The following BCAS3 variants were observed in gnomAD, a reference collection of about 807,000 sequenced individuals.
The protein encoded by BCAS3 is BCAS4/BCAS3 fusion.
BCAS3 carries 53 observed loss-of-function variants against 116.1 expected under a neutral mutation model. That is an observed-to-expected ratio of 0.46 (90% CI 0.37 to 0.57). BCAS3 has a LOEUF of 0.57. BCAS3 is among the 20% of genes least tolerant of loss of function. The pLI is 0.00. For synonymous variants in BCAS3, 391 were observed against 408.2 expected (o/e 0.96, Z 0.51); for missense variants, 917 against 1,165.4 (o/e 0.79, Z 3.10).
intron 22 of BCAS3, among the ~76,000 whole-genome samples, chr17:61,101,077 CTTTTTATCATATACTGTTGTA>C (rs2074298764): frequency 6.6e-6 from 1 of 151,998 alleles, no homozygotes; most frequent in Non-Finnish European, 1.5e-5. Flanking sequence ...TATATTTATT[CTTTTTATCATATACTGTTGTA>C]TCATAGAGGA....
At chr17:61,070,122 G>A in intron 19 of BCAS3, 1 of 1,572,074 alleles carries the variant, frequency 6.4e-7, no homozygotes, top group Non-Finnish European at 8.7e-7. Context: ...TGACCACTGA[G>A]TCTGCCATGA....
At position 60,967,857 on chromosome 17, in the gene BCAS3, C is replaced by T. The variant is rs911939305; in HGVS notation, c.1221+20505C>T. On this transcript the variant is annotated intron_variant, in intron 14 of 23. Transcript: ENST00000407086. The surrounding 1 kb of genome is among the most constrained non-coding windows in gnomAD (Gnocchi z 4.7). The stretch of plus-strand genomic sequence containing the variant: ...GTCTCTGATGACTTCTTCAGTTCAG[C>T]AAATATGTTTCTCAGTTCCAAGATT... 4.6e-5 allele frequency among the ~76,000 whole-genome samples: 7 copies of T among 152,100 alleles called. No individual in the cohort carries two copies. The highest frequency in any genetic ancestry group is 8.8e-5 in the Non-Finnish European group (6 of 68,024).
chr17:60,711,852 A>G (rs1163018187), intron 5 of BCAS3, among the ~76,000 whole-genome samples: 1 of 151,654 alleles, frequency 6.6e-6, no homozygotes, highest in African/African-American at 2.4e-5. Context: ...CAGCAGTTTG[A>G]GACTAACCTG....
chr17:60,773,287 CTTTTTTTT>C, intron 6 of BCAS3, among the ~76,000 whole-genome samples: 1 of 91,974 alleles, frequency 1.1e-5, no homozygotes, highest in African/African-American at 4.8e-5. Flanking sequence ...TCTTCAGGTC[CTTTTTTTT>C]TTTTTTTTTT....
At chr17:60,692,809 C>CGTTTGAACCCAGGAGGTGGAGGATT (rs1480452090) in intron 4 of BCAS3, among the ~76,000 whole-genome samples, 4 of 151,604 alleles carry the variant, frequency 2.6e-5, no homozygotes, top group South Asian at 2.1e-4. Context: ...GGAGGAGAAT[C>CGTTTGAACCCAGGAGGTGGAGGATT]GTTTGAACCC....
At position 61,388,778 on chromosome 17, in the gene BCAS3, A is replaced by T. The variant is rs183318931; in HGVS notation, c.2594-3199A>T. Reference sequence around the variant, plus strand: ...CGGCCGGGATGACTTGGAGGGGGGAATCTGAGCAGCCCTCCTCCCCTCCAC... The same window carrying T: ...CGGCCGGGATGACTTGGAGGGGGGATTCTGAGCAGCCCTCCTCCCCTCCAC... On this transcript the variant is annotated intron_variant, in intron 23 of 23. Coordinates refer to ENST00000407086, the MANE Select transcript of BCAS3 (RefSeq NM_017679.5). The surrounding 1 kb of genome is among the most constrained non-coding windows in gnomAD (Gnocchi z 6.5). The T allele has an allele frequency of 3.6e-6, 5 of 1,384,788 alleles. No homozygotes were observed. Among genetic ancestry groups the T allele is most frequent in the East Asian group, 5.0e-5 (2 of 40,042 alleles). The allele number at this position is 1,384,788 out of a possible 1,614,324, so 85.8% of individuals were successfully genotyped here. A position where few individuals can be genotyped will look rare whatever the true frequency, so the allele number is the denominator to read the frequency against.
At chr17:61,093,444 A>G (rs1002386413) in intron 22 of BCAS3, among the ~76,000 whole-genome samples, 1 of 152,128 alleles carries the variant, frequency 6.6e-6, no homozygotes, top group African/African-American at 2.4e-5. Flanking sequence ...AAAATTAGCC[A>G]GGCATGGTGG....
rs144111177 is a variant in BCAS3 at position 60,817,025 on chromosome 17, A to G, written c.476+8949A>G. 1.2e-3 allele frequency among the ~76,000 whole-genome samples: 190 copies of G among 152,274 alleles called. 1 individual carries two copies. Among genetic ancestry groups the G allele is most frequent in the Non-Finnish European group, 3.4e-4 (23 of 68,028 alleles). Reference sequence around the variant, plus strand: ...AGTTGGGTAAGACAAAAATGACCCAATTTGCATAATTAGCTCTCACCAAAT... The same window carrying G: ...AGTTGGGTAAGACAAAAATGACCCAGTTTGCATAATTAGCTCTCACCAAAT... On this transcript the variant is annotated intron_variant, in intron 7 of 23. Coordinates refer to ENST00000407086, the MANE Select transcript of BCAS3 (RefSeq NM_017679.5).
chr17:61,231,231 T>C (rs1011628342), intron 22 of BCAS3, among the ~76,000 whole-genome samples: 1 of 152,212 alleles, frequency 6.6e-6, no homozygotes, highest in Non-Finnish European at 1.5e-5. Context: ...TTGTAGGTCT[T>C]GTTTTGAGAA....
In BCAS3 at chr17:60,753,850, G is replaced by T. The variant is rs2042734424; in HGVS notation, c.403+6571G>T. Among the ~76,000 whole-genome samples the T allele has an allele frequency of 3.3e-5, 5 of 152,178 alleles. No homozygotes were observed. In the South Asian group the frequency reaches 1.0e-3, roughly 32 times the overall value. The stretch of plus-strand genomic sequence containing the variant: ...CTGTTACTATAATCTTAGCTTTTTG[G>T]AATGATGGGAACTGTGTTTTTCTAA... On this transcript the variant is annotated intron_variant, in intron 6 of 23. Coordinates refer to ENST00000407086, the MANE Select transcript of BCAS3 (RefSeq NM_017679.5).
In BCAS3 at chr17:61,307,288, T is replaced by C. The variant is rs1348245007; in HGVS notation, c.2426-61039T>C. Among the ~76,000 whole-genome samples, 3 of 152,256 alleles carry C rather than the reference T, an allele frequency of 2.0e-5. No individual in the cohort carries two copies. The highest frequency in any genetic ancestry group is 2.0e-4 in the Admixed American group (3 of 15,280). ...GGACTGTTCCCCAGAAGGAGATTTT[T>C]CTGCCAGTTTTAATTTACTTTTTGG... is the stretch of plus-strand genomic sequence containing the variant. On this transcript the variant is annotated intron_variant, in intron 22 of 23. Coordinates refer to ENST00000407086, the MANE Select transcript of BCAS3 (RefSeq NM_017679.5). The surrounding 1 kb of genome is among the most constrained non-coding windows in gnomAD (Gnocchi z 4.7).
In BCAS3 at chr17:60,972,903, C is replaced by T. The variant is rs376371690; in HGVS notation, c.1222-17068C>T. 5.9e-5 allele frequency among the ~76,000 whole-genome samples: 9 copies of T among 152,178 alleles called. No homozygotes were observed. In the East Asian group the frequency reaches 1.5e-3, roughly 26 times the overall value. ...CCTCATCAAATGGCTTGGACTTTGG[C>T]AAGGTAGTTATTGCTATATGCAGTT... On this transcript the variant is annotated intron_variant, in intron 14 of 23. Transcript: ENST00000407086.
chr17:60,958,004 G>A (rs1304366184), intron 14 of BCAS3, among the ~76,000 whole-genome samples: 1 of 152,230 alleles, frequency 6.6e-6, no homozygotes, highest in Non-Finnish European at 1.5e-5. Flanking sequence ...GTCATTGAAA[G>A]ATGGCAATCC....
rs551153837 is a variant in BCAS3 at position 61,325,820 on chromosome 17, C to G, written c.2426-42507C>G. Among the ~76,000 whole-genome samples the G allele has an allele frequency of 2.2e-4, 34 of 152,226 alleles. No homozygotes were observed. The highest frequency in any genetic ancestry group is 4.3e-4 in the Non-Finnish European group (29 of 68,020). On this transcript the variant is annotated intron_variant, in intron 22 of 23. Transcript: ENST00000407086. The surrounding 1 kb of genome is among the most constrained non-coding windows in gnomAD (Gnocchi z 6.4). ...TTCCTGGTCTTGGTGGCAAGATAAA[C>G]AGGATAGGGTGGTCCCTGGGGACAG...
At chr17:60,678,951 C>T (rs1164035607) in intron 1 of BCAS3, among the ~76,000 whole-genome samples, 5 of 152,132 alleles carry the variant, frequency 3.3e-5, no homozygotes, top group African/African-American at 9.7e-5. Flanking sequence ...AGGATGGGCG[C>T]GGTGGCTCAA....
chr17:61,060,599 C>T (rs759231390), intron 19 of BCAS3, among the ~76,000 whole-genome samples: 4 of 152,182 alleles, frequency 2.6e-5, no homozygotes, highest in African/African-American at 9.7e-5. Flanking sequence ...AGATGACTCT[C>T]TGTCAGTCTG....
At chr17:60,689,866 T>G in intron 4 of BCAS3, 105 bp downstream of exon 4, 1 of 760,132 alleles carries the variant, frequency 1.3e-6, no homozygotes, top group South Asian at 1.9e-5. Context: ...TCTCTTATAG[T>G]AATTTTTCAG....
At chr17:61,060,973 C>T (rs941234476) in intron 19 of BCAS3, among the ~76,000 whole-genome samples, 3 of 152,108 alleles carry the variant, frequency 2.0e-5, no homozygotes, top group Non-Finnish European at 4.4e-5. Context: ...GCTCTTCTTA[C>T]TTTTGGAAAG....
intron 15 of BCAS3, among the ~76,000 whole-genome samples, chr17:61,011,341 G>A (rs961087213): frequency 2.0e-5 from 3 of 151,996 alleles, no homozygotes; most frequent in Non-Finnish European, 2.9e-5. Context: ...TTCCTTATAC[G>A]AAGAGGCTTG....
Sources: gnomAD v4.1 joint callset for allele counts (sites outside exome capture counted in the v4.1 genomes callset) on GRCh38, gnomAD v4.1.1 for gene constraint, Gnocchi (gnomAD v3.1) non-coding constraint, MANE v1.5 for transcripts, NCBI Gene and HGNC (gene_info 2026-07-23, HGNC 2026-07-21) for gene names.